The following MYO1C variants were observed in gnomAD, a reference collection of about 807,000 sequenced individuals.
MYO1C encodes myosin IC.
In MYO1C, 104 loss-of-function variants were observed where a neutral mutation model predicts 150.8. The ratio of observed to expected loss-of-function variants is 0.69; its 90% confidence interval spans 0.59 to 0.81. MYO1C has a LOEUF of 0.81. Among genes scored for constraint, MYO1C ranks in the 30% least tolerant of loss-of-function variants. MYO1C has a pLI of 0.00. For synonymous variants in MYO1C, 663 were observed against 579.9 expected (o/e 1.14, Z -2.06); for missense variants, 1,504 against 1,435.0 (o/e 1.05, Z -0.78).
chr17:1,482,160 C>T (rs1057051407), intron 5 of MYO1C, among the ~76,000 whole-genome samples: 1 of 152,138 alleles, frequency 6.6e-6, no homozygotes, highest in Non-Finnish European at 1.5e-5. Context: ...GATCCTCCTG[C>T]CTCAGCCTCC....
intron 1 of MYO1C, among the ~76,000 whole-genome samples, chr17:1,487,825 G>A (rs1207710914): frequency 6.6e-6 from 1 of 152,218 alleles, no homozygotes; most frequent in Non-Finnish European, 1.5e-5. Context: ...GGAGGCTGAG[G>A]CACGAGAATC....
chr17:1,469,610 G>T lies in MYO1C; in HGVS notation c.2531C>A (p.Ser844Ter). Reference protein sequence around the residue: ...PTPPPALREASELLRELCIKN... With the variant: ...PTPPPALREA ...TATGCACAACTCCCGCAGAAGCTCT[G>T]AGGCCTAAGGGGAGGAGTGAGGTCA... is the stretch of plus-strand genomic sequence containing the variant. Residue 844 changes from serine to a stop codon, truncating the protein, a stop_gained, in exon 25 of 32, where the codon TCA becomes TAA. Transcript: ENST00000648651. LOFTEE classifies it high-confidence loss of function. 6.2e-7 allele frequency: 1 copy of T among 1,611,246 alleles called. No homozygotes were observed. The highest frequency in any genetic ancestry group is 8.5e-7 in the Non-Finnish European group (1 of 1,178,524).
At chr17:1,469,315 CAGT>C in intron 25 of MYO1C, 1 of 594,584 alleles carries the variant, frequency 1.7e-6, no homozygotes. Flanking sequence ...GGGGTAAATA[CAGT>C]AGACCGAGAT....
Position 1,480,761 on chromosome 17 carries a change from G to C in MYO1C, c.752C>G (p.Thr251Ser). 1.9e-6 allele frequency: 3 copies of C among 1,614,184 alleles called. No individual in the cohort carries two copies. Among genetic ancestry groups the C allele is most frequent in the Non-Finnish European group, 2.5e-6 (3 of 1,180,046 alleles). ...CCGTTCCAAGCCCAGCCTGCGAAGAGTCTCCTCCTCGCCCCCCTCCAGCAG... is the reference window on the plus strand; with the variant it reads ...CCGTTCCAAGCCCAGCCTGCGAAGACTCTCCTCCTCGCCCCCCTCCAGCAG... ...YQLLEGGEEE[T>S]LRRLGLERNP... The change falls in exon 6 of 32, where the codon ACT (threonine) becomes AGT (serine). Residue 251 changes from threonine to serine, a missense_variant. Thr to Ser is a moderately conservative substitution (Grantham distance 58, BLOSUM62 1). Coordinates refer to ENST00000648651, the MANE Select transcript of MYO1C (RefSeq NM_001080779.2).
At chr17:1,477,777 C>T in intron 13 of MYO1C, 114 bp downstream of exon 13, 1 of 1,134,828 alleles carries the variant, frequency 8.8e-7, no homozygotes, top group Non-Finnish European at 1.3e-6. Context: ...TCTGCCCTGT[C>T]TCTACTCAGC....
chr17:1,469,223 G>A (rs2074244008), intron 25 of MYO1C: 2 of 417,582 alleles, frequency 4.8e-6, no homozygotes, highest in Admixed American at 3.5e-5. Flanking sequence ...GGCAAAATAC[G>A]GTAGACCGGG....
chr17:1,473,780 C>T (rs887848530), intron 17 of MYO1C, among the ~76,000 whole-genome samples: 1 of 152,208 alleles, frequency 6.6e-6, no homozygotes, highest in Admixed American at 6.5e-5. Flanking sequence ...TGGGCCCTCA[C>T]TATAGGTTCA....
Position 1,469,616 on chromosome 17 carries a change from T to C in MYO1C, c.2527-2A>G, listed in dbSNP as rs1228106937. ...CAACTCCCGCAGAAGCTCTGAGGCC[T>C]AAGGGGAGGAGTGAGGTCAGAGGTC... is the stretch of plus-strand genomic sequence containing the variant. On this transcript the variant is annotated splice_acceptor_variant, in intron 24 of 31. Transcript: ENST00000648651. LOFTEE classifies it high-confidence loss of function. 1.2e-6 allele frequency: 2 copies of C among 1,609,790 alleles called. No individual in the cohort carries two copies. Among genetic ancestry groups the C allele is most frequent in the Non-Finnish European group, 1.7e-6 (2 of 1,177,336 alleles).
In MYO1C at chr17:1,482,975, T is replaced by C. The variant is rs747638116; in HGVS notation, c.432A>G (p.Ala144=). 1.9e-6 allele frequency: 3 copies of C among 1,612,484 alleles called. No homozygotes were observed. The highest frequency in any genetic ancestry group is 2.5e-6 in the Non-Finnish European group (3 of 1,179,914). The stretch of plus-strand genomic sequence containing the variant: ...GCCTCTTGGTGGCCTCGGTCTTGCC[T>C]GCCCCGCTCTCCCCAGAGATCATCA... ...QAVMISGESG[A]GKTEATKRLL... Residue 144 remains alanine, a synonymous_variant, in exon 4 of 32, where the codon GCA becomes GCG. Transcript: ENST00000648651.
rs749056361 is a variant in MYO1C, at chr17:1,468,114, G to A, written c.2770C>T (p.Pro924Ser). The A allele has an allele frequency of 6.2e-7, 1 of 1,613,476 alleles. No homozygotes were observed. The highest frequency in any genetic ancestry group is 1.7e-5 in the Admixed American group (1 of 59,998). The change falls in exon 28 of 32, where the codon CCT (proline) becomes TCT (serine). Residue 924 changes from proline to serine, a missense_variant. Transcript: ENST00000648651. ...LGSEPIQYAV[P>S]VVKYDRKGYK... ...CCCTTGCGGTCGTATTTCACAACAG[G>A]CACCGCATACTGGGGACAGAGGCCA...
chr17:1,465,628 TG>T lies in MYO1C; in HGVS notation c.*97del. ...TTGCAGGTGGGCTTCGGGGTGTCCC[TG>T]GGTCCCTGTCTGGAAGTTCGAGTCT... On this transcript the variant is annotated 3_prime_UTR_variant, in exon 32 of 32. Coordinates refer to ENST00000648651, the MANE Select transcript of MYO1C (RefSeq NM_001080779.2). The T allele has an allele frequency of 1.6e-6, 2 of 1,229,550 alleles. No homozygotes were observed. Among genetic ancestry groups the T allele is most frequent in the Non-Finnish European group, 2.1e-6 (2 of 940,056 alleles). The allele number at this position is 1,229,550 out of a possible 1,614,324, so 76.2% of individuals were successfully genotyped here.
chr17:1,489,751 A>T lies in MYO1C; in HGVS notation c.75+2662T>A, dbSNP rs573221791. On this transcript the variant is annotated intron_variant, in intron 1 of 31. Coordinates refer to ENST00000648651, the MANE Select transcript of MYO1C (RefSeq NM_001080779.2). ...ATTTGTATGGGGGAAAAAAAAAAGT[A>T]AACGGCCCAGGAGCGGTGGCTCATG... 7.1e-4 allele frequency among the ~76,000 whole-genome samples: 107 copies of T among 151,732 alleles called. No homozygotes were observed. The Middle Eastern group carries it at 0.017, about 24-fold the overall frequency.
Position 1,478,001 on chromosome 17 carries a change from C to T in MYO1C, c.1402-30G>A, listed in dbSNP as rs180767877. ...GGGGCAGAAGGGAAGGAAGGGATCA[C>T]CGTGGGGTCCTGGCACCCTCTCCCA... On this transcript the variant is annotated intron_variant, in intron 12 of 31. Transcript: ENST00000648651. The surrounding 1 kb of genome is among the most constrained non-coding windows in gnomAD (Gnocchi z 6.3). 336 of 1,613,164 alleles carry T rather than the reference C, an allele frequency of 2.1e-4. 1 individual carries two copies. In the African/African-American group the frequency reaches 3.5e-3, roughly 17 times the overall value.
At chr17:1,482,683 TCC>T (rs2074549699) in intron 4 of MYO1C, 125 bp from the exon 5 acceptor site, 11 of 202,014 alleles carry the variant, frequency 5.4e-5, no homozygotes, top group Middle Eastern at 1.6e-3. Context: ...TCCCCTCCCC[TCC>T]CGCACTGGGC....
chr17:1,470,491 T>A lies in MYO1C; in HGVS notation c.2310A>T (p.Gly770=), dbSNP rs1175565753. Reference sequence around the variant, plus strand: ...TGGCTGCCTTCCTCCGGCCCAGTGTTCCACGCCACCACGACTGGATGCAGA... The same window carrying A: ...TGGCTGCCTTCCTCCGGCCCAGTGTACCACGCCACCACGACTGGATGCAGA... ...SAICIQSWWR[G]TLGRRKAAKR... is the part of the protein sequence containing the mutation. Residue 770 remains glycine (G), a synonymous_variant, in exon 23 of 32, where the codon GGA becomes GGT. Transcript: ENST00000648651. 2 of 1,551,632 alleles carry A rather than the reference T, an allele frequency of 1.3e-6. No individual in the cohort carries two copies. Among genetic ancestry groups the A allele is most frequent in the South Asian group, 2.4e-5 (2 of 84,214 alleles).
In MYO1C at chr17:1,469,519, C is replaced by G. The variant is rs557155317; in HGVS notation, c.2610+12G>C. 14 of 1,603,422 alleles carry G rather than the reference C, an allele frequency of 8.7e-6. No individual in the cohort carries two copies. The Middle Eastern group carries it at 4.9e-4, about 57-fold the overall frequency. On this transcript the variant is annotated intron_variant, in intron 25 of 31. Coordinates refer to ENST00000648651, the MANE Select transcript of MYO1C (RefSeq NM_001080779.2). ...CCACTTCCTCATCCTCACCCAGCCC[C>G]GCTCTCCGTACCTGCTGCTTCCACT...
At position 1,484,199 on chromosome 17, in the gene MYO1C, C is replaced by T. The variant is rs776602984; in HGVS notation, c.180G>A (p.Glu60=). 1.2e-6 allele frequency: 2 copies of T among 1,613,024 alleles called. No homozygotes were observed. Among genetic ancestry groups the T allele is most frequent in the Admixed American group, 1.7e-5 (1 of 60,022 alleles). Residue 60 remains glutamate (E), a synonymous_variant, in exon 2 of 32, where the codon GAG becomes GAA. Transcript: ENST00000648651. ...GCCGCAGGTTCTCGATGAAGGCGGC[C>T]TCGCTGGTGAAGTTCTCCAGCAGCA... is the stretch of plus-strand genomic sequence containing the variant. ...DFVLLENFTS[E]AAFIENLRRR...
At position 1,479,282 on chromosome 17, in the gene MYO1C, G is replaced by T. The variant is rs8076825; in HGVS notation, c.1092+149C>A. The T allele has an allele frequency of 9.0e-6, 6 of 668,796 alleles. No homozygotes were observed. The highest frequency in any genetic ancestry group is 1.6e-5 in the Non-Finnish European group (6 of 375,298). 41.4% of individuals were successfully genotyped at this position (668,796 alleles called of 1,614,324 possible). A position where few individuals can be genotyped will look rare whatever the true frequency, so the allele number is the denominator to read the frequency against. On this transcript the variant is annotated intron_variant, in intron 9 of 31. Transcript: ENST00000648651. This position sits in a 1 kb window ranked among gnomAD's most constrained non-coding sequence, Gnocchi z 4.2. ...TGCTGGGGTTACAGGCGTGAGCCAC[G>T]GCGCTCGGCTCTCACTCTGCTTCTC...
In MYO1C at chr17:1,465,566, TG is replaced by T. The variant is rs1251941615; in HGVS notation, c.*159del. 1 of 780,296 alleles carries T rather than the reference TG, an allele frequency of 1.3e-6. No homozygotes were observed. The highest frequency in any genetic ancestry group is 1.8e-5 in the African/African-American group (1 of 56,058). The allele number at this position is 780,296 out of a possible 1,614,324, so 48.3% of individuals were successfully genotyped here. Reference sequence around the variant, plus strand: ...TCCTGGGGTAGCTCCTGGCCCCTGCTGCTCCCTCAAGAGAGGGATGGGCAGG... The same window carrying T: ...TCCTGGGGTAGCTCCTGGCCCCTGCTCTCCCTCAAGAGAGGGATGGGCAGG... On this transcript the variant is annotated 3_prime_UTR_variant, in exon 32 of 32. Transcript: ENST00000648651.
Sources: gnomAD v4.1 joint callset for allele counts (sites outside exome capture counted in the v4.1 genomes callset) on GRCh38, gnomAD v4.1.1 for gene constraint, Gnocchi (gnomAD v3.1) non-coding constraint, MANE v1.5 for transcripts, NCBI Gene and HGNC (gene_info 2026-07-23, HGNC 2026-07-21) for gene names.